GFPT2: variants seen among roughly 807,000 people sequenced by gnomAD.
GFPT2 encodes the protein glutamine--fructose-6-phosphate aminotransferase [isomerizing] 2.
GFPT2 carries 62 observed loss-of-function variants against 85.6 expected under a neutral mutation model. That is an observed-to-expected ratio of 0.72 (90% CI 0.59 to 0.90). The LOEUF (loss-of-function observed/expected upper bound fraction) is 0.90. GFPT2 is among the 40% of genes least tolerant of loss of function. The pLI is 0.00. For missense variants in GFPT2, 788 were observed against 893.4 expected, an observed-to-expected ratio of 0.88 and a Z score of 1.50; for synonymous variants, 368 against 344.5, an observed-to-expected ratio of 1.07 and a Z score of -0.75.
At chr5:180,308,321 T>C (rs1156925856) in intron 15 of GFPT2, among the ~76,000 whole-genome samples, 1 of 152,120 alleles carries the variant, frequency 6.6e-6, no homozygotes, top group East Asian at 1.9e-4. Context: ...ATATTCACTT[T>C]AAAATAACAA....
intron 15 of GFPT2, among the ~76,000 whole-genome samples, chr5:180,312,130 GC>G (rs1474459199): frequency 0.042 from 3,542 of 83,500 alleles, 737 homozygotes; most frequent in African/African-American, 0.058. Context: ...AGGCGGGGAG[GC>G]TGAGGACCAG....
chr5:180,336,314 T>C (rs2127655378), intron 3 of GFPT2, 165 bp downstream of exon 3: 5 of 668,998 alleles, frequency 7.5e-6, no homozygotes, highest in Non-Finnish European at 1.3e-5. Context: ...AAATAAACCA[T>C]CCCATACCCT....
chr5:180,308,645 G>C lies in GFPT2; in HGVS notation c.1547-1342C>G, dbSNP rs1208443921. ...AAACAGTAGGTTCTTGAAAGGGTAG[G>C]TGCCAATATAGAATCTGAAATCCTA... On this transcript the variant is annotated intron_variant, in intron 15 of 18. Transcript: ENST00000253778. 3.0e-4 allele frequency among the ~76,000 whole-genome samples: 45 copies of C among 152,120 alleles called. 1 individual carries two copies. Among genetic ancestry groups the C allele is most frequent in the Non-Finnish European group, 4.4e-5 (3 of 68,018 alleles).
intron 4 of GFPT2, 89 bp from the exon 5 acceptor site, chr5:180,331,642 T>C (rs762621732): frequency 2.5e-6 from 2 of 803,760 alleles, no homozygotes; most frequent in South Asian, 1.4e-5. Context: ...GAGAACTCTC[T>C]GCAAACTCCA....
intron 9 of GFPT2, among the ~76,000 whole-genome samples, chr5:180,322,295 CAA>C (rs778043318): frequency 1.4e-4 from 18 of 130,984 alleles, no homozygotes; most frequent in Non-Finnish European, 9.9e-5. Context: ...GACCCTGTCT[CAA>C]AAAAAAAAAA....
intron 1 of GFPT2, among the ~76,000 whole-genome samples, chr5:180,342,616 C>T (rs1397864357): frequency 4.0e-5 from 6 of 151,812 alleles, no homozygotes; most frequent in East Asian, 2.0e-4. Flanking sequence ...CTAAAAACAA[C>T]CAGAGGCCAG....
rs1763953724 is a variant in GFPT2, at chr5:180,313,981, C to G, written c.1274-17G>C. On this transcript the variant is annotated splice_polypyrimidine_tract_variant and intron_variant, in intron 13 of 18. Coordinates refer to ENST00000253778, the MANE Select transcript of GFPT2 (RefSeq NM_005110.4). Reference sequence around the variant, plus strand: ...CGGTCTCGCCTGCCGCCCAGGGGCCCTCTCAGTGCCGCGCTCCGCCAGCCT... The same window carrying G: ...CGGTCTCGCCTGCCGCCCAGGGGCCGTCTCAGTGCCGCGCTCCGCCAGCCT... 6.3e-7 allele frequency: 1 copy of G among 1,582,176 alleles called. No homozygotes were observed. The highest frequency in any genetic ancestry group is 8.5e-7 in the Non-Finnish European group (1 of 1,170,522).
intron 4 of GFPT2, among the ~76,000 whole-genome samples, chr5:180,335,002 C>A (rs1042942616): frequency 3.4e-4 from 52 of 152,184 alleles, no homozygotes; most frequent in Non-Finnish European, 1.3e-4. Flanking sequence ...ACTGTCCTGG[C>A]GACCCATGCA....
Position 180,301,135 on chromosome 5 carries a change from G to A in GFPT2, c.*429C>T, listed in dbSNP as rs909765072. On this transcript the variant is annotated 3_prime_UTR_variant, in exon 19 of 19. Coordinates refer to ENST00000253778, the MANE Select transcript of GFPT2 (RefSeq NM_005110.4). ...GAGCAAGCCTGGACACAGAGCATGG[G>A]TAGCTAGGATGAACAGTTTGGCCGT... 3 of 183,184 alleles carry A rather than the reference G, an allele frequency of 1.6e-5. No homozygotes were observed. Among genetic ancestry groups the A allele is most frequent in the Non-Finnish European group, 3.5e-5 (3 of 86,926 alleles). The allele number at this position is 183,184 out of a possible 1,614,324, so 11.3% of individuals were successfully genotyped here.
chr5:180,317,559 A>G (rs1483618667), intron 10 of GFPT2, among the ~76,000 whole-genome samples: 1 of 145,418 alleles, frequency 6.9e-6, no homozygotes, highest in Non-Finnish European at 1.5e-5. Flanking sequence ...GGAGATCGAG[A>G]CCATCCCGGC....
chr5:180,331,748 AT>A, intron 4 of GFPT2, 195 bp from the exon 5 acceptor site: 1 of 616,074 alleles, frequency 1.6e-6, no homozygotes, highest in Non-Finnish European at 2.9e-6. Flanking sequence ...AGCACCAGGG[AT>A]GTCTAGGGCA....
intron 13 of GFPT2, among the ~76,000 whole-genome samples, chr5:180,315,235 T>G (rs953419851): frequency 4.6e-5 from 7 of 151,816 alleles, no homozygotes; most frequent in African/African-American, 1.2e-4. Flanking sequence ...TGGAGTGCAG[T>G]GGCGCGATCT....
intron 15 of GFPT2, among the ~76,000 whole-genome samples, chr5:180,309,511 C>T (rs1483768728): frequency 6.6e-6 from 1 of 152,128 alleles, no homozygotes; most frequent in Non-Finnish European, 1.5e-5. Flanking sequence ...ACCTCTGCTT[C>T]CCAGGTTCAA....
At chr5:180,344,089 C>T (rs947079937) in intron 1 of GFPT2, among the ~76,000 whole-genome samples, 1 of 152,242 alleles carries the variant, frequency 6.6e-6, no homozygotes, top group Admixed American at 6.5e-5. Context: ...TGCAGCCACA[C>T]AGCAGGGCCT....
intron 15 of GFPT2, 84 bp downstream of exon 15, chr5:180,312,346 C>T: frequency 3.8e-6 from 3 of 785,878 alleles, no homozygotes; most frequent in Admixed American, 1.8e-5. Context: ...TGAACAACAT[C>T]CTGTACAGGT....
At chr5:180,314,057 A>C (rs904448725) in intron 13 of GFPT2, 93 bp from the exon 14 acceptor site, 12 of 1,299,238 alleles carry the variant, frequency 9.2e-6, no homozygotes, top group Non-Finnish European at 1.0e-5. Context: ...TTACAGGGAA[A>C]TCGGCGCCCG....
At chr5:180,336,425 T>C in intron 3 of GFPT2, 54 bp downstream of exon 3, 1 of 967,876 alleles carries the variant, frequency 1.0e-6, no homozygotes, top group Non-Finnish European at 1.7e-6. Flanking sequence ...AATACGGTCC[T>C]AGAAAGCGGC....
chr5:180,351,022 CT>C (rs1457605830), intron 1 of GFPT2, among the ~76,000 whole-genome samples: 1 of 152,248 alleles, frequency 6.6e-6, no homozygotes, highest in African/African-American at 2.4e-5. Flanking sequence ...TTATCTGGTT[CT>C]TTCTAGGAGC....
chr5:180,334,831 C>T (rs1413822342), intron 4 of GFPT2, among the ~76,000 whole-genome samples: 1 of 152,212 alleles, frequency 6.6e-6, no homozygotes, highest in African/African-American at 2.4e-5. Context: ...GGGATTAGAT[C>T]CTCTCTTCTG....
Sources: gnomAD v4.1 joint callset for allele counts (sites outside exome capture counted in the v4.1 genomes callset) on GRCh38, gnomAD v4.1.1 for gene constraint, MANE v1.5 for transcripts, NCBI Gene and HGNC (gene_info 2026-07-23, HGNC 2026-07-21) for gene names.